Variants in SORBS3 observed in about 807,000 individuals in gnomAD.
SORBS3 encodes the protein vinexin.
Under a neutral mutation model 98.0 loss-of-function variants are expected in SORBS3, and 69 were observed. The observed-to-expected ratio is 0.70, with a 90% CI of 0.58 to 0.86. The LOEUF (loss-of-function observed/expected upper bound fraction) is 0.86. Among genes scored for constraint, SORBS3 ranks in the 40% least tolerant of loss-of-function variants. SORBS3 has a pLI of 0.00. For missense variants in SORBS3, 954 were observed against 908.5 expected (o/e 1.05, Z -0.64); for synonymous variants, 394 against 355.4 (o/e 1.11, Z -1.22).
intron 1 of SORBS3, among the ~76,000 whole-genome samples, 198 bp downstream of exon 1, chr8:22,552,220 A>C (rs1451144369): frequency 6.6e-6 from 1 of 152,184 alleles, no homozygotes; most frequent in Non-Finnish European, 1.5e-5. Flanking sequence ...TCGCTGAGAA[A>C]TACCTGGGAA....
At chr8:22,549,404 G>C (rs1840050287), upstream of SORBS3, among the ~76,000 whole-genome samples, 1 of 152,228 alleles carries the variant, frequency 6.6e-6, no homozygotes, top group South Asian at 2.1e-4. Context: ...TGACGCTAGA[G>C]GGAGGCGTCG....
At chr8:22,571,962 G>A (rs1840599040) in intron 19 of SORBS3, 141 bp downstream of exon 19, 1 of 647,148 alleles carries the variant, frequency 1.5e-6, no homozygotes, top group Non-Finnish European at 2.8e-6. Context: ...AAGAGCTTAT[G>A]GTGATTTGGG....
chr8:22,561,737 C>T, intron 6 of SORBS3, 128 bp from the exon 7 acceptor site: 2 of 812,778 alleles, frequency 2.5e-6, no homozygotes. Context: ...AACCACCCTG[C>T]CCCCACCATC....
At chr8:22,565,600 A>G in intron 11 of SORBS3, 1 of 790,668 alleles carries the variant, frequency 1.3e-6, no homozygotes, top group Non-Finnish European at 1.7e-6. Context: ...CAGCCCGACG[A>G]CCGGGCGCCC....
chr8:22,548,364 CAT>C (rs146859379), upstream of SORBS3, among the ~76,000 whole-genome samples: 1,931 of 152,318 alleles, frequency 0.013, 45 homozygotes, highest in African/African-American at 0.044. Flanking sequence ...GGGCATGAAA[CAT>C]AGTCCAGATT....
upstream of SORBS3, among the ~76,000 whole-genome samples, chr8:22,550,981 G>C (rs932984076): frequency 3.3e-5 from 5 of 152,214 alleles, no homozygotes; most frequent in Non-Finnish European, 7.3e-5. Context: ...CAGAGACAGG[G>C]AGAGGGGATG....
intron 10 of SORBS3, 106 bp downstream of exon 10, chr8:22,564,627 C>T (rs915763835): frequency 2.0e-6 from 3 of 1,494,082 alleles, no homozygotes; most frequent in African/African-American, 1.4e-5. Flanking sequence ...AGAGCTCTCT[C>T]TCCAGTCCCA....
Position 22,564,355 on chromosome 8 carries a change from G to A in SORBS3, c.748G>A (p.Glu250Lys). ...CTGGAACCAGTTTCTGCAGGAACTA[G>A]AGACTGGGCAGAGGGTGAGTGCTGG... Reference protein sequence around the residue: ...ESWNQFLQELETGQRPKKPLV... With the variant: ...ESWNQFLQELKTGQRPKKPLV... Residue 250 changes from glutamate to lysine, a missense_variant, in exon 9 of 21, where the codon GAG (glutamate) becomes AAG (lysine). Coordinates refer to ENST00000240123, the MANE Select transcript of SORBS3 (RefSeq NM_005775.5). 7 of 1,614,096 alleles carry A rather than the reference G, an allele frequency of 4.3e-6. No homozygotes were observed. The highest frequency in any genetic ancestry group is 5.9e-6 in the Non-Finnish European group (7 of 1,179,968).
upstream of SORBS3, among the ~76,000 whole-genome samples, chr8:22,551,140 A>G (rs1176320899): frequency 1.3e-5 from 2 of 150,204 alleles, no homozygotes; most frequent in Non-Finnish European, 3.0e-5. This position sits in a 1 kb window ranked among gnomAD's most constrained non-coding sequence, Gnocchi z 5.8. Flanking sequence ...AAGGGACCCC[A>G]CCCTTATCCT....
At chr8:22,555,923 C>T (rs1840174551) in intron 3 of SORBS3, among the ~76,000 whole-genome samples, 1 of 152,210 alleles carries the variant, frequency 6.6e-6, no homozygotes, top group Non-Finnish European at 1.5e-5. Flanking sequence ...GCGTGCTGGA[C>T]ACTGTAAAAA....
chr8:22,569,015 CT>C (rs1840497197), intron 16 of SORBS3, 132 bp from the exon 17 acceptor site: 3 of 932,494 alleles, frequency 3.2e-6, no homozygotes, highest in Non-Finnish European at 3.0e-6. Flanking sequence ...GCCCCCAGGG[CT>C]TGTGTCTGGT....
At chr8:22,571,392 C>T (rs997942146) in intron 18 of SORBS3, among the ~76,000 whole-genome samples, 171 bp downstream of exon 18, 4 of 152,146 alleles carry the variant, frequency 2.6e-5, no homozygotes, top group East Asian at 1.9e-4. Context: ...GGGACCTCAA[C>T]CTACCGAGCT....
upstream of SORBS3, among the ~76,000 whole-genome samples, chr8:22,549,692 C>T (rs530958183): frequency 6.0e-4 from 91 of 152,284 alleles, no homozygotes; most frequent in African/African-American, 1.9e-3. Flanking sequence ...GAAGTCAAAG[C>T]GGCTCAGGAA....
At chr8:22,561,265 G>A in intron 5 of SORBS3, 70 bp from the exon 6 acceptor site, 1 of 1,479,866 alleles carries the variant, frequency 6.8e-7, no homozygotes, top group Non-Finnish European at 9.1e-7. Context: ...AGCGGCTGAG[G>A]TTGCCTCCCA....
intron 4 of SORBS3, among the ~76,000 whole-genome samples, chr8:22,557,234 C>T (rs1359957446): frequency 2.6e-5 from 4 of 152,108 alleles, no homozygotes; most frequent in Admixed American, 2.0e-4. Context: ...CCTGTCACGA[C>T]GCTCATGAAA....
At chr8:22,553,566 C>A (rs1840127116) in intron 1 of SORBS3, among the ~76,000 whole-genome samples, 1 of 152,194 alleles carries the variant, frequency 6.6e-6, no homozygotes, top group Non-Finnish European at 1.5e-5. Flanking sequence ...GGCTCCCTTC[C>A]CCTTCCCCAG....
chr8:22,564,583 G>A, intron 10 of SORBS3, 62 bp downstream of exon 10: 1 of 1,600,358 alleles, frequency 6.2e-7, no homozygotes, highest in Non-Finnish European at 8.6e-7. Context: ...GGGTTTTGGT[G>A]GCCCCAGTAA....
intron 4 of SORBS3, among the ~76,000 whole-genome samples, chr8:22,557,351 G>C (rs1054745257): frequency 6.6e-6 from 1 of 152,202 alleles, no homozygotes; most frequent in Admixed American, 6.5e-5. Context: ...AGTTAGGACT[G>C]GGGATACCCT....
intron 6 of SORBS3, 124 bp from the exon 7 acceptor site, chr8:22,561,741 C>A (rs1349243927): frequency 2.0e-5 from 17 of 849,890 alleles, no homozygotes; most frequent in African/African-American, 1.7e-5. Flanking sequence ...ACCCTGCCCC[C>A]ACCATCCACC....
Sources: gnomAD v4.1 joint callset for allele counts (sites outside exome capture counted in the v4.1 genomes callset) on GRCh38, gnomAD v4.1.1 for gene constraint, Gnocchi (gnomAD v3.1) non-coding constraint, MANE v1.5 for transcripts, NCBI Gene and HGNC (gene_info 2026-07-23, HGNC 2026-07-21) for gene names.